CDH19: variants seen among roughly 807,000 people sequenced by gnomAD.
CDH19 encodes cadherin 19.
Under a neutral mutation model 64.2 loss-of-function variants are expected in CDH19, and 67 were observed. The ratio of observed to expected loss-of-function variants is 1.04; its 90% CI spans 0.86 to 1.28. CDH19 has a LOEUF of 1.28. Among genes scored for constraint, CDH19 ranks in the 50% most tolerant of loss-of-function variants. The pLI is 0.00. For missense variants in CDH19, 1,030 were observed against 929.0 expected (o/e 1.11, Z -1.41); for synonymous variants, 346 against 319.3 (o/e 1.08, Z -0.89).
Position 66,509,091 on chromosome 18 carries a change from TCC to T in CDH19, c.1730_1731del (p.Gly577GlufsTer52). On this transcript the variant is annotated frameshift_variant, in exon 11 of 12. Transcript: ENST00000262150. LOFTEE classifies it high-confidence loss of function. ...TCCTGGTACTGGCAGGTCTGTGTGCTCCCACTGTCACCACAGTCACAGACATG... is the reference window on the plus strand; with the variant it reads ...TCCTGGTACTGGCAGGTCTGTGTGCTCACTGTCACCACAGTCACAGACATG... ...TIHVCDCGDS[G>X]STQTCQYQEL... is the part of the protein sequence containing the mutation. 2 of 1,612,930 alleles carry T rather than the reference TCC, an allele frequency of 1.2e-6. No individual in the cohort carries two copies. Among genetic ancestry groups the T allele is most frequent in the South Asian group, 1.1e-5 (1 of 91,058 alleles).
intron 3 of CDH19, among the ~76,000 whole-genome samples, chr18:66,563,132 C>CTAATTTAGATATTATGTAAGCAA (rs1391916800): frequency 6.6e-5 from 10 of 151,932 alleles, no homozygotes; most frequent in African/African-American, 2.4e-4. Flanking sequence ...CCTATGCAGA[C>CTAATTTAGATATTATGTAAGCAA]TAATTTAGAT....
chr18:66,585,877 T>C (rs1263475599), intron 1 of CDH19, among the ~76,000 whole-genome samples: 1 of 152,104 alleles, frequency 6.6e-6, no homozygotes, highest in East Asian at 1.9e-4. Context: ...CAATACATGA[T>C]ATTGCATGGA....
chr18:66,593,699 C>T (rs1328993638), intron 1 of CDH19, among the ~76,000 whole-genome samples: 1 of 151,992 alleles, frequency 6.6e-6, no homozygotes, highest in Non-Finnish European at 1.5e-5. Flanking sequence ...CTAATGTACA[C>T]CATAAGTTTC....
chr18:66,540,922 A>G (rs959154682), intron 7 of CDH19, among the ~76,000 whole-genome samples: 1 of 152,152 alleles, frequency 6.6e-6, no homozygotes, highest in African/African-American at 2.4e-5. Flanking sequence ...TTATGGTAGT[A>G]ATTTTATTAC....
At chr18:66,510,430 CTAT>C (rs1985419493) in intron 10 of CDH19, among the ~76,000 whole-genome samples, 1 of 148,220 alleles carries the variant, frequency 6.7e-6, no homozygotes, top group East Asian at 2.0e-4. Context: ...ATAAATTAAT[CTAT>C]ATATACAAAT....
chr18:66,588,605 C>CATATACATATATAT (rs1988644480), intron 1 of CDH19, among the ~76,000 whole-genome samples: 1 of 116,734 alleles, frequency 8.6e-6, no homozygotes, highest in African/African-American at 2.7e-5. Context: ...TTTTACTAAT[C>CATATACATATATAT]ATATATATCT....
chr18:66,550,285 C>G lies in CDH19; in HGVS notation c.775+809G>C, dbSNP rs531393917. On this transcript the variant is annotated intron_variant, in intron 5 of 11. Coordinates refer to ENST00000262150, the MANE Select transcript of CDH19 (RefSeq NM_021153.4). Reference sequence around the variant, plus strand: ...AAGCATACCATGTGTTTATGTTTAGCTTGCAGTAATTGCTTAAATTATTAG... The same window carrying G: ...AAGCATACCATGTGTTTATGTTTAGGTTGCAGTAATTGCTTAAATTATTAG... Among the ~76,000 whole-genome samples the G allele has an allele frequency of 4.6e-5, 7 of 152,226 alleles. No individual in the cohort carries two copies. The East Asian group carries it at 1.4e-3, about 29-fold the overall frequency.
At chr18:66,597,102 ATCATACT>A (rs1988916367) in intron 1 of CDH19, among the ~76,000 whole-genome samples, 3 of 142,242 alleles carry the variant, frequency 2.1e-5, no homozygotes, top group Non-Finnish European at 3.1e-5. Flanking sequence ...AAAAAAAAAA[ATCATACT>A]AATGTTCACA....
rs1988127062 is a variant in CDH19 at position 66,572,160 on chromosome 18, G to A, written c.45C>T (p.Leu15=). ...LLLRFMLGIP[L]LWPCLGATEN... ...CTGTTGCTCCAAGACAAGGCCATAGGAGAGGAATTCCCAACATAAAACGCA... is the reference window on the plus strand; with the variant it reads ...CTGTTGCTCCAAGACAAGGCCATAGAAGAGGAATTCCCAACATAAAACGCA... The change falls in exon 2 of 12, where the codon CTC becomes CTT. Residue 15 remains leucine, a synonymous_variant. Coordinates refer to ENST00000262150, the MANE Select transcript of CDH19 (RefSeq NM_021153.4). 6.2e-7 allele frequency: 1 copy of A among 1,611,308 alleles called. No individual in the cohort carries two copies. Among genetic ancestry groups the A allele is most frequent in the Non-Finnish European group, 8.5e-7 (1 of 1,178,262 alleles).
At chr18:66,575,752 G>T (rs967186060) in intron 1 of CDH19, among the ~76,000 whole-genome samples, 2 of 151,748 alleles carry the variant, frequency 1.3e-5, no homozygotes, top group African/African-American at 4.8e-5. Context: ...AGGAAATCTG[G>T]ATCTATGCAA....
chr18:66,602,652 A>G (rs553900516), intron 1 of CDH19, among the ~76,000 whole-genome samples: 9 of 152,002 alleles, frequency 5.9e-5, no homozygotes, highest in African/African-American at 1.9e-4. Flanking sequence ...AAAATCAGAT[A>G]TTTATATAAT....
chr18:66,505,069 C>T lies in CDH19; in HGVS notation c.2062G>A (p.Val688Ile), dbSNP rs1172915041. The T allele has an allele frequency of 1.9e-6, 3 of 1,613,738 alleles. No individual in the cohort carries two copies. Among genetic ancestry groups the T allele is most frequent in the East Asian group, 2.2e-5 (1 of 44,850 alleles). The change falls in exon 12 of 12, where the codon GTT (valine) becomes ATT (isoleucine). Residue 688 changes from valine (V) to isoleucine (I), a missense_variant. Transcript: ENST00000262150. ...IRSLYRQSLQ[V>I]GPDSAIFRKF... ...CTGAATATGGCACTGTCGGGGCCAA[C>T]TTGCAAAGACTGCCTGTATAGGCTC...
intron 1 of CDH19, among the ~76,000 whole-genome samples, chr18:66,597,879 C>G (rs114504862): frequency 0.027 from 4,115 of 152,036 alleles, 200 homozygotes; most frequent in African/African-American, 0.093. Context: ...ACATCACACA[C>G]CTGGGCCTGT....
chr18:66,554,437 CCTTGAAGTAAGCTGTAGA>C lies in CDH19; in HGVS notation c.560_577del (p.Leu187_Gly193delinsArg). 6.2e-7 allele frequency: 1 copy of C among 1,610,866 alleles called. No individual in the cohort carries two copies. Among genetic ancestry groups the C allele is most frequent in the Non-Finnish European group, 8.5e-7 (1 of 1,178,438 alleles). Reference sequence around the variant, plus strand: ...TGGTTCAACAGAAAAATATGGCTGGCCTTGAAGTAAGCTGTAGAGGAGACGAGCATTATTACCACTTGA... The same window carrying C: ...TGGTTCAACAGAAAAATATGGCTGGCGGAGACGAGCATTATTACCACTTGA... On this transcript the variant is annotated inframe_deletion, in exon 4 of 12. Transcript: ENST00000262150.
intron 1 of CDH19, among the ~76,000 whole-genome samples, chr18:66,585,224 A>G (rs911112623): frequency 6.6e-6 from 1 of 152,098 alleles, no homozygotes; most frequent in Non-Finnish European, 1.5e-5. Context: ...GCAGGGAAGA[A>G]GTCCTGGATA....
Position 66,572,003 on chromosome 18 carries a change from T to G in CDH19, c.195+7A>C. 1 of 1,592,292 alleles carries G rather than the reference T, an allele frequency of 6.3e-7. No homozygotes were observed. The highest frequency in any genetic ancestry group is 8.6e-7 in the Non-Finnish European group (1 of 1,164,702). On this transcript the variant is annotated splice_region_variant and intron_variant, in intron 2 of 11. Transcript: ENST00000262150. Reference sequence around the variant, plus strand: ...TATTTACTGTAACATTTTAAATAAATAAGTACCTGGCCGATGTGATGACTA... The same window carrying G: ...TATTTACTGTAACATTTTAAATAAAGAAGTACCTGGCCGATGTGATGACTA...
chr18:66,566,013 T>C lies in CDH19; in HGVS notation c.490+2403A>G, dbSNP rs144750639. Reference sequence around the variant, plus strand: ...GCTAGATATTGCACAGACCAAACCATCTTTTGCAATCTCTCTGAACATCTA... The same window carrying C: ...GCTAGATATTGCACAGACCAAACCACCTTTTGCAATCTCTCTGAACATCTA... On this transcript the variant is annotated intron_variant, in intron 3 of 11. Transcript: ENST00000262150. 1.3e-4 allele frequency among the ~76,000 whole-genome samples: 20 copies of C among 152,042 alleles called. No individual in the cohort carries two copies. In the East Asian group the frequency reaches 1.8e-3, roughly 13 times the overall value.
At position 66,589,988 on chromosome 18, in the gene CDH19, T is replaced by G. The variant is rs1599040233; in HGVS notation, c.-113+13966A>C. Among the ~76,000 whole-genome samples, 2 of 151,296 alleles carry G rather than the reference T, an allele frequency of 1.3e-5. 1 individual carries two copies. The highest frequency in any genetic ancestry group is 3.0e-5 in the Non-Finnish European group (2 of 67,598). On this transcript the variant is annotated intron_variant, in intron 1 of 11. Transcript: ENST00000262150. ...AAAACTATTATTATTTTGTTAGACC[T>G]CATTATATTTAGTTTAAAATTTTAT...
chr18:66,522,792 T>C (rs967514325), intron 9 of CDH19, among the ~76,000 whole-genome samples: 6 of 151,660 alleles, frequency 4.0e-5, no homozygotes, highest in Admixed American at 6.6e-5. Context: ...ATTTTGGCCT[T>C]AAAAAAATTA....
Sources: allele counts gnomAD v4.1 joint callset (sites outside exome capture counted in the v4.1 genomes callset), GRCh38; gene constraint gnomAD v4.1.1; transcripts MANE v1.5; gene names NCBI Gene and HGNC (gene_info 2026-07-23, HGNC 2026-07-21).